ENOX1: variants seen among roughly 807,000 people sequenced by gnomAD.
The protein encoded by ENOX1 is ecto-NOX disulfide-thiol exchanger 1.
A neutral mutation model predicts 82.5 loss-of-function variants in ENOX1; 42 were observed. That is an observed-to-expected ratio of 0.51 (90% CI 0.40 to 0.66). ENOX1 has a LOEUF of 0.66. Among genes scored for constraint, ENOX1 ranks in the 30% least tolerant of loss-of-function variants. The pLI is 0.00. For synonymous variants in ENOX1, 271 were observed against 282.2 expected (o/e 0.96, Z 0.40); for missense variants, 608 against 811.6 (o/e 0.75, Z 3.05).
intron 2 of ENOX1, among the ~76,000 whole-genome samples, chr13:43,642,722 T>C (rs1017002512): frequency 3.9e-5 from 6 of 152,190 alleles, no homozygotes; most frequent in African/African-American, 1.4e-4. Flanking sequence ...TAACTACTCA[T>C]CCATGATACT....
intron 14 of ENOX1, 102 bp from the exon 15 acceptor site, chr13:43,236,840 C>A: frequency 1.9e-6 from 1 of 523,724 alleles, no homozygotes; most frequent in Non-Finnish European, 3.2e-6. Context: ...AAGGTCATCA[C>A]TTCTATTTAT....
intron 3 of ENOX1, among the ~76,000 whole-genome samples, chr13:43,476,498 T>C (rs2058291268): frequency 6.6e-6 from 1 of 152,100 alleles, no homozygotes; most frequent in South Asian, 2.1e-4. Context: ...TAATGAAGTG[T>C]AAAAGAATGT....
chr13:43,436,131 T>C (rs757873841), intron 3 of ENOX1, among the ~76,000 whole-genome samples: 46 of 152,196 alleles, frequency 3.0e-4, no homozygotes, highest in Non-Finnish European at 4.9e-4. Context: ...ATAATGACAA[T>C]AGTAGTTTTA....
At chr13:43,575,849 C>T (rs2080398511) in intron 2 of ENOX1, among the ~76,000 whole-genome samples, 2 of 152,170 alleles carry the variant, frequency 1.3e-5, no homozygotes, top group African/African-American at 2.4e-5. Context: ...ATGATGGTGA[C>T]AAGGGATGAT....
At chr13:43,428,276 C>A (rs1440885921) in intron 3 of ENOX1, among the ~76,000 whole-genome samples, 1 of 152,086 alleles carries the variant, frequency 6.6e-6, no homozygotes, top group Non-Finnish European at 1.5e-5. Context: ...AGAGAGAGAA[C>A]AAACATATAA....
At chr13:43,416,050 GATGGGTGGCC>G (rs2054485433) in intron 3 of ENOX1, among the ~76,000 whole-genome samples, 1 of 133,666 alleles carries the variant, frequency 7.5e-6, no homozygotes, top group African/African-American at 2.8e-5. Flanking sequence ...CTTCCCAGAT[GATGGGTGGCC>G]GGGCAGAGGC....
chr13:43,601,584 T>C (rs888532032), intron 2 of ENOX1, among the ~76,000 whole-genome samples: 8 of 152,048 alleles, frequency 5.3e-5, no homozygotes, highest in African/African-American at 1.7e-4. Flanking sequence ...CTAAGAGTCA[T>C]TGGCCTTAAA....
intron 3 of ENOX1, among the ~76,000 whole-genome samples, chr13:43,447,752 T>C (rs947930793): frequency 1.3e-5 from 2 of 152,182 alleles, no homozygotes; most frequent in African/African-American, 4.8e-5. Context: ...GTAAGGCTAG[T>C]AGTTTTGAAG....
At chr13:43,751,030 C>T (rs1950281609) in intron 1 of ENOX1, among the ~76,000 whole-genome samples, 1 of 152,200 alleles carries the variant, frequency 6.6e-6, no homozygotes, top group Admixed American at 6.5e-5. Flanking sequence ...AACAAGACCT[C>T]TGGTTTGGAC....
chr13:43,704,632 G>T (rs766817425), intron 1 of ENOX1, among the ~76,000 whole-genome samples: 1 of 152,134 alleles, frequency 6.6e-6, no homozygotes, highest in Non-Finnish European at 1.5e-5. Context: ...TGGGACTGGT[G>T]ATCCACAACG....
chr13:43,692,415 T>C (rs1209273363), intron 1 of ENOX1, among the ~76,000 whole-genome samples: 3 of 152,122 alleles, frequency 2.0e-5, no homozygotes, highest in East Asian at 3.8e-4. Flanking sequence ...ACTATAAGGA[T>C]TGATACATTT....
intron 5 of ENOX1, among the ~76,000 whole-genome samples, chr13:43,399,708 G>T (rs1053238519): frequency 1.3e-5 from 2 of 152,142 alleles, no homozygotes; most frequent in Non-Finnish European, 2.9e-5. Flanking sequence ...GCAGCTAAGG[G>T]AACAAGCCTG....
chr13:43,468,593 C>T (rs973225272), intron 3 of ENOX1, among the ~76,000 whole-genome samples: 3 of 149,874 alleles, frequency 2.0e-5, no homozygotes, highest in Non-Finnish European at 4.4e-5. Flanking sequence ...AGTTCAAGAT[C>T]TGCCTGGGCA....
At chr13:43,413,321 C>T (rs2054248267) in intron 3 of ENOX1, among the ~76,000 whole-genome samples, 2 of 152,168 alleles carry the variant, frequency 1.3e-5, no homozygotes, top group South Asian at 4.1e-4. Context: ...GCCTTTTCCA[C>T]ACACACTACA....
intron 5 of ENOX1, among the ~76,000 whole-genome samples, chr13:43,376,053 A>G (rs988776755): frequency 6.6e-6 from 1 of 152,194 alleles, no homozygotes; most frequent in African/African-American, 2.4e-5. Flanking sequence ...TGAACAGGGA[A>G]TTTACATTTG....
intron 5 of ENOX1, among the ~76,000 whole-genome samples, chr13:43,404,119 T>C (rs2053651336): frequency 6.6e-6 from 1 of 152,156 alleles, no homozygotes; most frequent in African/African-American, 2.4e-5. Context: ...ATGCAGTCTC[T>C]ATAAAACAAG....
At chr13:43,455,071 T>A (rs1008010333) in intron 3 of ENOX1, among the ~76,000 whole-genome samples, 3 of 152,168 alleles carry the variant, frequency 2.0e-5, no homozygotes, top group African/African-American at 7.2e-5. Context: ...TTGGTTTACA[T>A]CCTCATTTTT....
At chr13:43,655,948 C>T (rs1044866817) in intron 2 of ENOX1, among the ~76,000 whole-genome samples, 4 of 152,184 alleles carry the variant, frequency 2.6e-5, no homozygotes, top group Non-Finnish European at 4.4e-5. Context: ...TCCAGAATAT[C>T]CTGGGGCAAA....
chr13:43,405,559 T>C (rs1327087532), intron 5 of ENOX1, among the ~76,000 whole-genome samples: 1 of 152,208 alleles, frequency 6.6e-6, no homozygotes, highest in Non-Finnish European at 1.5e-5. Context: ...TCTAAGCAAA[T>C]GGCTCTATGG....
Sources: allele counts gnomAD v4.1 joint callset (sites outside exome capture counted in the v4.1 genomes callset), GRCh38; gene constraint gnomAD v4.1.1; transcripts MANE v1.5; gene names NCBI Gene and HGNC (gene_info 2026-07-23, HGNC 2026-07-21).